The following TOP6BL variants were observed in gnomAD, a reference collection of about 807,000 sequenced individuals.
TOP6BL encodes the protein type 2 DNA topoisomerase 6 subunit B-like.
chr11:66,801,001 G>A, the TOP6BL span: 3 of 1,608,796 alleles, frequency 1.9e-6, no homozygotes, highest in South Asian at 3.3e-5. Context: ...GAATCTTTGA[G>A]AGATGGCTTA....
At chr11:66,788,174 C>T in the TOP6BL span, 1 of 1,613,276 alleles carries the variant, frequency 6.2e-7, no homozygotes, top group Non-Finnish European at 8.5e-7. Flanking sequence ...ACAGTCCATA[C>T]TGCCCGGAAT....
At chr11:66,756,643 A>G in the TOP6BL span, 1 of 687,578 alleles carries the variant, frequency 1.5e-6, no homozygotes, top group Non-Finnish European at 1.8e-6. Context: ...TGTAAAATAC[A>G]TATTTTAAAG....
At chr11:66,815,964 T>C in the TOP6BL span, 1 of 1,306,064 alleles carries the variant, frequency 7.7e-7, no homozygotes, top group African/African-American at 1.5e-5. Context: ...TCTCAGATCC[T>C]TCTTTGTTCA....
the TOP6BL span, among the ~76,000 whole-genome samples, chr11:66,835,309 G>C: frequency 1.3e-4 from 20 of 151,722 alleles, no homozygotes; most frequent in Non-Finnish European, 2.4e-4. Flanking sequence ...AAAATATCCT[G>C]TTTCTTTCTT....
At chr11:66,826,738 A>G in the TOP6BL span, among the ~76,000 whole-genome samples, 4 of 151,596 alleles carry the variant, frequency 2.6e-5, no homozygotes, top group Admixed American at 1.3e-4. Context: ...GCTGGAGTGC[A>G]GTGGTGCAAT....
the TOP6BL span, among the ~76,000 whole-genome samples, chr11:66,778,444 C>G: frequency 1.3e-5 from 2 of 151,900 alleles, no homozygotes; most frequent in African/African-American, 4.8e-5. Flanking sequence ...CTAGCCCGGG[C>G]AACAAAGTGA....
At chr11:66,754,429 C>T in the TOP6BL span, among the ~76,000 whole-genome samples, 2 of 152,110 alleles carry the variant, frequency 1.3e-5, no homozygotes, top group South Asian at 4.1e-4. Context: ...CTTTTCTCCA[C>T]CTCGTTCTTG....
the TOP6BL span, among the ~76,000 whole-genome samples, chr11:66,757,501 A>C: frequency 1.3e-5 from 2 of 152,302 alleles, no homozygotes; most frequent in South Asian, 4.1e-4. Flanking sequence ...TGATGATGGA[A>C]ATGTTCTCTG....
the TOP6BL span, among the ~76,000 whole-genome samples, chr11:66,835,908 TAGG>T: frequency 1.3e-5 from 2 of 152,260 alleles, no homozygotes; most frequent in African/African-American, 4.8e-5. Context: ...GGTATATATC[TAGG>T]AGTAGAATTG....
the TOP6BL span, among the ~76,000 whole-genome samples, chr11:66,753,971 C>G: frequency 6.6e-6 from 1 of 152,212 alleles, no homozygotes; most frequent in African/African-American, 2.4e-5. Flanking sequence ...TCCCAAAGTG[C>G]TGGGATTACA....
the TOP6BL span, among the ~76,000 whole-genome samples, chr11:66,809,819 T>C: frequency 6.6e-6 from 1 of 152,190 alleles, no homozygotes; most frequent in Non-Finnish European, 1.5e-5. Context: ...TCCTCCTACC[T>C]CAGCCTCTCC....
the TOP6BL span, among the ~76,000 whole-genome samples, chr11:66,826,663 T>C: frequency 2.6e-5 from 4 of 151,016 alleles, no homozygotes; most frequent in Non-Finnish European, 4.4e-5. Context: ...GGTGGGTCAC[T>C]TCTTTTTTTT....
chr11:66,811,123 T>C, the TOP6BL span, among the ~76,000 whole-genome samples: 4 of 152,052 alleles, frequency 2.6e-5, no homozygotes, highest in South Asian at 8.3e-4. Context: ...CTGGCTAATT[T>C]TGCATGTGTG....
At chr11:66,810,665 A>G in the TOP6BL span, among the ~76,000 whole-genome samples, 1 of 152,218 alleles carries the variant, frequency 6.6e-6, no homozygotes, top group Non-Finnish European at 1.5e-5. Flanking sequence ...GGCCCTTTAT[A>G]TAATAGAAGG....
the TOP6BL span, among the ~76,000 whole-genome samples, chr11:66,825,697 A>G: frequency 6.6e-6 from 1 of 152,188 alleles, no homozygotes; most frequent in Admixed American, 6.5e-5. Flanking sequence ...GGAATTTGGT[A>G]TAGCAGCCCG....
At chr11:66,769,591 A>G in the TOP6BL span, among the ~76,000 whole-genome samples, 10 of 152,042 alleles carry the variant, frequency 6.6e-5, no homozygotes, top group African/African-American at 2.4e-4. Flanking sequence ...ACAAATAGCA[A>G]AATTCATATG....
chr11:66,838,876 C>T, the TOP6BL span, among the ~76,000 whole-genome samples: 5 of 152,148 alleles, frequency 3.3e-5, no homozygotes, highest in Non-Finnish European at 5.9e-5. Flanking sequence ...GGACCACAGG[C>T]GCCCGCCATC....
At chr11:66,764,720 A>G in the TOP6BL span, among the ~76,000 whole-genome samples, 1 of 151,898 alleles carries the variant, frequency 6.6e-6, no homozygotes, top group Non-Finnish European at 1.5e-5. Context: ...GGCTCTGACT[A>G]AAATCCCAGC....
chr11:66,768,316 C>T, the TOP6BL span, among the ~76,000 whole-genome samples: 1 of 151,624 alleles, frequency 6.6e-6, no homozygotes, highest in African/African-American at 2.4e-5. Context: ...AATTTTATAT[C>T]TTACAAAATC....
Sources: allele counts gnomAD v4.1 joint callset (sites outside exome capture counted in the v4.1 genomes callset), GRCh38; gene constraint gnomAD v4.1.1; transcripts MANE v1.5; gene names NCBI Gene and HGNC (gene_info 2026-07-23, HGNC 2026-07-21).